Variants in CDS2 observed in about 807,000 individuals in gnomAD.
CDS2 encodes the protein phosphatidate cytidylyltransferase 2.
A neutral mutation model predicts 59.0 loss-of-function variants in CDS2; 47 were observed. The ratio of observed to expected loss-of-function variants is 0.80; its 90% CI spans 0.63 to 1.02. The LOEUF (loss-of-function observed/expected upper bound fraction) is 1.02, where lower values mean the gene tolerates loss of function less well. Ranked by LOEUF, CDS2 falls within the 50% of genes least tolerant of loss-of-function variation. The probability of loss-of-function intolerance (pLI) is 0.00; values close to 1 mark genes in which losing one functional copy is unlikely to be tolerated. For missense variants in CDS2, 356 were observed against 558.9 expected, an observed-to-expected ratio of 0.64 and a Z score of 3.66; for synonymous variants, 207 against 206.4, an observed-to-expected ratio of 1.00 and a Z score of -0.02.
intron 9 of CDS2, among the ~76,000 whole-genome samples, 181 bp downstream of exon 9, chr20:5,186,007 C>G (rs149651461): frequency 6.6e-6 from 1 of 152,366 alleles, no homozygotes; most frequent in African/African-American, 2.4e-5. Flanking sequence ...AGGCAGGGTG[C>G]TAGCAGTTGG....
At chr20:5,131,765 C>CT (rs2090609716) in intron 1 of CDS2, among the ~76,000 whole-genome samples, 1 of 152,200 alleles carries the variant, frequency 6.6e-6, no homozygotes, top group African/African-American at 2.4e-5. Context: ...GGCTGTGTAA[C>CT]TTTGAGTAGA....
At chr20:5,179,832 C>G (rs1401354620) in intron 5 of CDS2, among the ~76,000 whole-genome samples, 1 of 152,146 alleles carries the variant, frequency 6.6e-6, no homozygotes, top group Non-Finnish European at 1.5e-5. Flanking sequence ...TCAGGTAAGG[C>G]CACGTACTAA....
At chr20:5,145,236 A>AACC (rs2090731130) in intron 1 of CDS2, among the ~76,000 whole-genome samples, 1 of 51,968 alleles carries the variant, frequency 1.9e-5, no homozygotes, top group Non-Finnish European at 3.8e-5. Context: ...GAAAGGAAAG[A>AACC]CCCCCCCCCC....
intron 1 of CDS2, among the ~76,000 whole-genome samples, chr20:5,129,505 T>A (rs1450990069): frequency 1.3e-5 from 2 of 150,614 alleles, no homozygotes; most frequent in Non-Finnish European, 3.0e-5. Flanking sequence ...TGCAATGGCA[T>A]GATGTTGGCT....
chr20:5,150,705 G>A (rs1054358688), intron 1 of CDS2, among the ~76,000 whole-genome samples: 4 of 152,204 alleles, frequency 2.6e-5, no homozygotes, highest in African/African-American at 9.7e-5. Context: ...AGCCTCTGCT[G>A]TGGAGCATTC....
At chr20:5,189,885 G>T in intron 12 of CDS2, 47 bp downstream of exon 12, 1 of 1,484,878 alleles carries the variant, frequency 6.7e-7, no homozygotes, top group Non-Finnish European at 9.3e-7. Flanking sequence ...TTTTAAGTAC[G>T]GTGCAATTCT....
intron 1 of CDS2, among the ~76,000 whole-genome samples, chr20:5,130,036 A>T (rs2090591595): frequency 6.6e-6 from 1 of 151,922 alleles, no homozygotes; most frequent in African/African-American, 2.4e-5. Flanking sequence ...GCAATGGCAC[A>T]ATCTCGGCTC....
At chr20:5,168,502 G>A in intron 1 of CDS2, 2 of 448,294 alleles carry the variant, frequency 4.5e-6, no homozygotes, top group South Asian at 3.2e-5. Flanking sequence ...GCCTGACACA[G>A]TGCCCAAGGG....
chr20:5,181,651 A>G (rs890734382), intron 5 of CDS2, among the ~76,000 whole-genome samples: 3 of 152,138 alleles, frequency 2.0e-5, no homozygotes, highest in Non-Finnish European at 4.4e-5. Context: ...TCGGAAATGC[A>G]TTGTTGTCAT....
chr20:5,177,349 T>C (rs1377002601), intron 4 of CDS2, among the ~76,000 whole-genome samples: 3 of 152,110 alleles, frequency 2.0e-5, no homozygotes, highest in African/African-American at 7.2e-5. Flanking sequence ...ACTGTGGTGT[T>C]TGAGCCCTAC....
At chr20:5,169,092 T>G (rs75728814) in intron 1 of CDS2, among the ~76,000 whole-genome samples, 93 of 152,346 alleles carry the variant, frequency 6.1e-4, no homozygotes, top group Non-Finnish European at 1.2e-3. Flanking sequence ...TCCCCCTTCC[T>G]TTAAAGCAGC....
In CDS2 at chr20:5,192,485, G is replaced by A. The variant is rs564539222; in HGVS notation, c.*2251G>A. Reference sequence around the variant, plus strand: ...TTCTGGAGATGAGGATTTTTTGTCAGGTAGCTAGGAGAGCACTGCCACCTT... The same window carrying A: ...TTCTGGAGATGAGGATTTTTTGTCAAGTAGCTAGGAGAGCACTGCCACCTT... On this transcript the variant is annotated 3_prime_UTR_variant, in exon 13 of 13. Coordinates refer to ENST00000460006, the MANE Select transcript of CDS2 (RefSeq NM_003818.4). 6.6e-6 allele frequency: 1 copy of A among 152,432 alleles called. No individual in the cohort carries two copies. Among genetic ancestry groups the A allele is most frequent in the African/African-American group, 2.4e-5 (1 of 41,538 alleles). The allele number at this position is 152,432 out of a possible 1,614,324, so 9.4% of individuals were successfully genotyped here. A position where few individuals can be genotyped will look rare whatever the true frequency, so the allele number is the denominator to read the frequency against.
intron 1 of CDS2, among the ~76,000 whole-genome samples, chr20:5,137,304 C>G (rs552204533): frequency 6.6e-6 from 1 of 150,376 alleles, no homozygotes; most frequent in African/African-American, 2.4e-5. Flanking sequence ...AGTGCAGTAG[C>G]GTGATCTCGG....
intron 1 of CDS2, among the ~76,000 whole-genome samples, chr20:5,130,232 C>T (rs2090593347): frequency 6.6e-6 from 1 of 151,614 alleles, no homozygotes; most frequent in South Asian, 2.1e-4. Flanking sequence ...ACTTTGGCCT[C>T]CCAAAGTGCT....
chr20:5,189,069 A>T lies in CDS2; in HGVS notation c.984A>T (p.Lys328Asn), dbSNP rs773081159. Residue 328 changes from lysine (K) to asparagine (N), a missense_variant and splice_region_variant, in exon 11 of 13, where the codon AAA becomes AAT. By Grantham distance (94) the Lys-to-Asn change is moderately conservative (BLOSUM62 0). Around this residue, in one of 5 missense-constraint regions of CDS2, gnomAD observed 88 missense variants for 103.6 expected, o/e 0.85. Transcript: ENST00000460006. ...PGVIQSVIGW[K>N]TVRMYPFQIH... Reference sequence around the variant, plus strand: ...TTTACTTCATTTACTCTTCTCAGAAAACGGTCCGGATGTACCCCTTCCAGA... The same window carrying T: ...TTTACTTCATTTACTCTTCTCAGAATACGGTCCGGATGTACCCCTTCCAGA... The T allele has an allele frequency of 6.2e-7, 1 of 1,614,116 alleles. No homozygotes were observed. The highest frequency in any genetic ancestry group is 1.1e-5 in the South Asian group (1 of 91,080).
At chr20:5,180,333 A>G (rs1162924697) in intron 5 of CDS2, among the ~76,000 whole-genome samples, 2 of 151,272 alleles carry the variant, frequency 1.3e-5, no homozygotes, top group African/African-American at 4.9e-5. Context: ...AAGCAAGTTT[A>G]TTAAGAAAGT....
chr20:5,178,799 A>G lies in CDS2; in HGVS notation c.390-18A>G, dbSNP rs371246012. 6.2e-7 allele frequency: 1 copy of G among 1,614,032 alleles called. No individual in the cohort carries two copies. The highest frequency in any genetic ancestry group is 8.5e-7 in the Non-Finnish European group (1 of 1,179,930). On this transcript the variant is annotated intron_variant, in intron 4 of 12. Coordinates refer to ENST00000460006, the MANE Select transcript of CDS2 (RefSeq NM_003818.4). ...GGCAAGGGTGCTCCCCACGGCAATG[A>G]CCTGTCTTCATTTACAGGTACTTTC...
At chr20:5,168,460 G>A (rs2090930465) in intron 1 of CDS2, among the ~76,000 whole-genome samples, 1 of 151,656 alleles carries the variant, frequency 6.6e-6, no homozygotes. Context: ...AAGAAATGGG[G>A]TATAGGGTAG....
chr20:5,144,559 A>C (rs1225548563), intron 1 of CDS2, among the ~76,000 whole-genome samples: 1 of 152,206 alleles, frequency 6.6e-6, no homozygotes, highest in African/African-American at 2.4e-5. Context: ...TGGAGACTAC[A>C]TATCTCTTTT....
Sources: allele counts gnomAD v4.1 joint callset (sites outside exome capture counted in the v4.1 genomes callset), GRCh38; gene constraint gnomAD v4.1.1; regional missense constraint gnomAD v4.1.1; transcripts MANE v1.5; gene names NCBI Gene and HGNC (gene_info 2026-07-23, HGNC 2026-07-21).